SDK1: variants seen among roughly 807,000 people sequenced by gnomAD.
The protein encoded by SDK1 is protein sidekick-1.
In SDK1, 157 loss-of-function variants were observed where a neutral mutation model predicts 245.5. That is an observed-to-expected ratio of 0.64 (90% CI 0.56 to 0.73). The LOEUF (loss-of-function observed/expected upper bound fraction) is 0.73, where lower values mean the gene tolerates loss of function less well. Ranked by LOEUF, SDK1 falls within the 30% of genes least tolerant of loss-of-function variation. SDK1 has a pLI of 0.00. For missense variants in SDK1, 3,583 were observed against 3,002.3 expected (o/e 1.19, Z -4.52); for synonymous variants, 1,647 against 1,278.5 (o/e 1.29, Z -6.15).
At chr7:3,687,942 G>C (rs1296262434) in intron 4 of SDK1, among the ~76,000 whole-genome samples, 1 of 152,148 alleles carries the variant, frequency 6.6e-6, no homozygotes, top group Non-Finnish European at 1.5e-5. Flanking sequence ...TATCTCAAGA[G>C]CTTAGAGTAA....
intron 17 of SDK1, among the ~76,000 whole-genome samples, chr7:4,027,706 A>G (rs1016209645): frequency 4.6e-5 from 7 of 152,206 alleles, no homozygotes; most frequent in East Asian, 1.9e-4. Flanking sequence ...GGGTGTTGCA[A>G]ATAAGCTTTA....
intron 4 of SDK1, among the ~76,000 whole-genome samples, chr7:3,783,165 T>G (rs1780797605): frequency 6.6e-6 from 1 of 152,196 alleles, no homozygotes; most frequent in African/African-American, 2.4e-5. Flanking sequence ...TGACAAAAAT[T>G]CATCTTTTTA....
Position 3,655,833 on chromosome 7 carries a change from G to A in SDK1, c.713+13728G>A, listed in dbSNP as rs182268451. Among the ~76,000 whole-genome samples, 11 of 152,054 alleles carry A rather than the reference G, an allele frequency of 7.2e-5. No individual in the cohort carries two copies. In the East Asian group the frequency reaches 1.4e-3, roughly 19 times the overall value. On this transcript the variant is annotated intron_variant, in intron 4 of 44. Transcript: ENST00000404826. Reference sequence around the variant, plus strand: ...TCAGTCCCGGCCCTGCCACGTGGTCGCTGTGTGACCTTGGGAAGATCAGTT... The same window carrying A: ...TCAGTCCCGGCCCTGCCACGTGGTCACTGTGTGACCTTGGGAAGATCAGTT...
rs1425467337 is a variant in SDK1, at chr7:4,093,739, CTG to C, written c.3324+14157_3324+14158del. 3.3e-5 allele frequency among the ~76,000 whole-genome samples: 5 copies of C among 152,338 alleles called. No individual in the cohort carries two copies. The East Asian group carries it at 9.7e-4, about 30-fold the overall frequency. On this transcript the variant is annotated intron_variant, in intron 22 of 44. Transcript: ENST00000404826. ...GTGAAGTCGGGGGCGTGAAGCAACA[CTG>C]TCTCTCTCCTAAGCACACGCTGTGC...
At chr7:3,979,198 C>G (rs758418973) in intron 13 of SDK1, among the ~76,000 whole-genome samples, 4 of 152,186 alleles carry the variant, frequency 2.6e-5, no homozygotes, top group African/African-American at 9.6e-5. Flanking sequence ...GGCATGGTAT[C>G]ATTCATCTCA....
intron 1 of SDK1, among the ~76,000 whole-genome samples, chr7:3,312,032 A>G (rs1180707210): frequency 3.3e-5 from 5 of 152,194 alleles, no homozygotes. Context: ...TGAAAAGAGA[A>G]CTAGAAAAAC....
intron 5 of SDK1, among the ~76,000 whole-genome samples, chr7:3,832,083 C>T (rs1779926791): frequency 6.6e-6 from 1 of 152,030 alleles, no homozygotes; most frequent in African/African-American, 2.4e-5. Flanking sequence ...ATAATAACCA[C>T]CATTTAATCA....
chr7:4,026,368 C>G lies in SDK1; in HGVS notation c.2602+9016C>G, dbSNP rs1014843569. The stretch of plus-strand genomic sequence containing the variant: ...TTAGAAGCTCAGCGTTTGGCATGGG[C>G]GAAGATATATTTTAGGAATGAAACT... On this transcript the variant is annotated intron_variant, in intron 17 of 44. Coordinates refer to ENST00000404826, the MANE Select transcript of SDK1 (RefSeq NM_152744.4). This position sits in a 1 kb window ranked among gnomAD's most constrained non-coding sequence, Gnocchi z 4.1. Among the ~76,000 whole-genome samples the G allele has an allele frequency of 2.0e-5, 3 of 152,124 alleles. No individual in the cohort carries two copies. The highest frequency in any genetic ancestry group is 4.8e-5 in the African/African-American group (2 of 41,434).
chr7:3,637,893 C>G (rs1239771456), intron 2 of SDK1, among the ~76,000 whole-genome samples: 1 of 152,262 alleles, frequency 6.6e-6, no homozygotes, highest in Non-Finnish European at 1.5e-5. Flanking sequence ...ATTGCTTTCT[C>G]TGCCTTGACG....
rs765048682 is a variant in SDK1 at position 3,821,493 on chromosome 7, A to G, written c.757A>G (p.Thr253Ala). The G allele has an allele frequency of 3.9e-5, 63 of 1,613,670 alleles. No individual in the cohort carries two copies. Among genetic ancestry groups the G allele is most frequent in the South Asian group, 2.6e-4 (24 of 91,002 alleles). ...ENQLVILATT[T>A]SDAGAYYVQA... ...TCAGCTGGTGATCCTCGCCACCACA[A>G]CCAGTGATGCCGGGGCATACTACGT... Residue 253 changes from threonine to alanine, a missense_variant, in exon 5 of 45, where the codon ACC becomes GCC. Thr to Ala is a moderately conservative substitution (Grantham distance 58). Coordinates refer to ENST00000404826, the MANE Select transcript of SDK1 (RefSeq NM_152744.4).
At chr7:3,735,625 G>A (rs1475729489) in intron 4 of SDK1, among the ~76,000 whole-genome samples, 4 of 152,146 alleles carry the variant, frequency 2.6e-5, no homozygotes, top group Non-Finnish European at 5.9e-5. Context: ...CGTTATGAAC[G>A]TGGGTGTACA....
chr7:4,264,432 GGGGTA>G (rs1438448886), intron 44 of SDK1, among the ~76,000 whole-genome samples: 1 of 112,400 alleles, frequency 8.9e-6, no homozygotes, highest in Non-Finnish European at 2.1e-5. Context: ...GACCTCTCCT[GGGGTA>G]AGGAAGGCCG....
chr7:3,973,674 C>T (rs1215074163), intron 12 of SDK1, among the ~76,000 whole-genome samples: 4 of 151,792 alleles, frequency 2.6e-5, no homozygotes, highest in South Asian at 2.1e-4. Flanking sequence ...GAGCATTTAC[C>T]GGGGCAGGAA....
intron 1 of SDK1, among the ~76,000 whole-genome samples, chr7:3,319,878 C>CTTTTTTTTTTTTTTTTTCTTTTTTTTTTT (rs57770805): frequency 1.1e-5 from 1 of 88,102 alleles, no homozygotes; most frequent in Non-Finnish European, 2.2e-5. Context: ...CATTCTTAGT[C>CTTTTTTTTTTTTTTTTTCTTTTTTTTTTT]TTTTTTTTTT....
chr7:3,526,484 T>A lies in SDK1; in HGVS notation c.299-92596T>A, dbSNP rs551895342. Among the ~76,000 whole-genome samples, 5 of 152,350 alleles carry A rather than the reference T, an allele frequency of 3.3e-5. No individual in the cohort carries two copies. The South Asian group carries it at 1.0e-3, about 32-fold the overall frequency. On this transcript the variant is annotated intron_variant, in intron 1 of 44. Transcript: ENST00000404826. ...CCCTTTCTATAACATATAGTTTCCA[T>A]GTATAAAGTAATCTGAGTATATATC...
At chr7:3,339,093 A>G (rs940497734) in intron 1 of SDK1, among the ~76,000 whole-genome samples, 7 of 152,208 alleles carry the variant, frequency 4.6e-5, no homozygotes, top group Non-Finnish European at 1.0e-4. Flanking sequence ...AGGTAGGTTG[A>G]AAGTAAAGGA....
intron 4 of SDK1, among the ~76,000 whole-genome samples, chr7:3,694,366 A>C (rs1562376620): frequency 6.6e-6 from 1 of 152,142 alleles, no homozygotes; most frequent in Admixed American, 6.5e-5. Flanking sequence ...CATTTAGCTC[A>C]ACACCCTCCT....
At chr7:4,253,360 T>A (rs6966643) in intron 44 of SDK1, among the ~76,000 whole-genome samples, 42,382 of 152,092 alleles carry the variant, frequency 0.28, 6,176 homozygotes, top group African/African-American at 0.34. Context: ...AATATTTTTT[T>A]AATTTTCTGT....
chr7:3,869,459 A>AT (rs951307078), intron 5 of SDK1, among the ~76,000 whole-genome samples: 7 of 151,890 alleles, frequency 4.6e-5, no homozygotes, highest in African/African-American at 9.7e-5. Context: ...CCTGGCCTGT[A>AT]TTTTTCATTC....
Sources: allele counts gnomAD v4.1 joint callset (sites outside exome capture counted in the v4.1 genomes callset), GRCh38; gene constraint gnomAD v4.1.1; non-coding constraint Gnocchi (gnomAD v3.1); transcripts MANE v1.5; gene names NCBI Gene and HGNC (gene_info 2026-07-23, HGNC 2026-07-21).